Variants in AHNAK observed in about 807,000 individuals in gnomAD.
AHNAK encodes the protein AHNAK nucleoprotein.
A neutral mutation model predicts 37.8 loss-of-function variants in AHNAK; 23 were observed. The ratio of observed to expected loss-of-function variants is 0.61; its 90% CI spans 0.44 to 0.86. The LOEUF is 0.86. AHNAK is among the 40% of genes least tolerant of loss of function. AHNAK has a pLI of 0.00. For synonymous variants in AHNAK, 2,481 were observed against 2,636.3 expected, an observed-to-expected ratio of 0.94 and a Z score of 1.80; for missense variants, 7,411 against 7,319.4, an observed-to-expected ratio of 1.01 and a Z score of -0.46.
intron 4 of AHNAK, among the ~76,000 whole-genome samples, chr11:62,502,693 C>T (rs914872371): frequency 2.6e-5 from 4 of 152,082 alleles, no homozygotes; most frequent in Non-Finnish European, 4.4e-5. Flanking sequence ...AACATGAATG[C>T]GTGAGATAGC....
At chr11:62,478,590 C>T (rs963519747) in intron 5 of AHNAK, among the ~76,000 whole-genome samples, 4 of 151,724 alleles carry the variant, frequency 2.6e-5, no homozygotes, top group East Asian at 3.9e-4. Context: ...ACAACAACAA[C>T]GACAAAAATT....
chr11:62,542,540 C>G (rs556810345), intron 1 of AHNAK, among the ~76,000 whole-genome samples: 31 of 151,994 alleles, frequency 2.0e-4, no homozygotes, highest in African/African-American at 7.0e-4. Context: ...TCTGCTGTGA[C>G]GCCTTTCTCC....
chr11:62,437,317 C>T (rs1404792511), intron 5 of AHNAK, among the ~76,000 whole-genome samples: 1 of 152,104 alleles, frequency 6.6e-6, no homozygotes, highest in South Asian at 2.1e-4. Context: ...CATTTTTGTA[C>T]ATACATTATT....
chr11:62,463,323 G>A (rs750778098), intron 5 of AHNAK, among the ~76,000 whole-genome samples: 1 of 151,980 alleles, frequency 6.6e-6, no homozygotes, highest in African/African-American at 2.4e-5. Context: ...CCACACTCAC[G>A]CAAACTGGCG....
Position 62,535,177 on chromosome 11 carries a change from C to A in AHNAK, c.168G>T (p.Val56=), listed in dbSNP as rs754994531. Residue 56 remains valine, a synonymous_variant, in exon 4 of 5, where the codon GTG becomes GTT. Transcript: ENST00000378024. ...GGTTGTCAAAGTAGATGGTGGCACC[C>A]ACAATCTGGTCCCCTGAGCAGGGAA... ...TGVVKEGDQI[V]GATIYFDNLQ... 1.9e-6 allele frequency: 3 copies of A among 1,610,570 alleles called. No individual in the cohort carries two copies. Among genetic ancestry groups the A allele is most frequent in the Non-Finnish European group, 2.5e-6 (3 of 1,177,016 alleles).
At chr11:62,484,955 A>T (rs981276170) in intron 5 of AHNAK, among the ~76,000 whole-genome samples, 1 of 151,962 alleles carries the variant, frequency 6.6e-6, no homozygotes, top group Admixed American at 6.6e-5. Context: ...ACACCCGGCT[A>T]ATTTTGTATT....
rs1940506234 is a variant in AHNAK, at chr11:62,526,767, G to T, written c.7650C>A (p.Gly2550=). ...DISGPKVDIE[G]PDVNIEGPEG... The stretch of plus-strand genomic sequence containing the variant: ...CTGGTCCTTCAATATTAACATCAGG[G>T]CCTTCAATGTCCACCTTGGGTCCTG... Residue 2550 remains glycine (G), a synonymous_variant, in exon 5 of 5, where the codon GGC becomes GGA. Coordinates refer to ENST00000378024, the MANE Select transcript of AHNAK (RefSeq NM_001620.3). 13 of 1,613,280 alleles carry T rather than the reference G, an allele frequency of 8.1e-6. No individual in the cohort carries two copies. Among genetic ancestry groups the T allele is most frequent in the Non-Finnish European group, 1.1e-5 (13 of 1,179,878 alleles).
At chr11:62,542,247 G>A (rs1228031351) in intron 1 of AHNAK, among the ~76,000 whole-genome samples, 1 of 151,854 alleles carries the variant, frequency 6.6e-6, no homozygotes, top group Admixed American at 6.6e-5. Context: ...GCTCACAATA[G>A]ACAGTTGTCC....
At chr11:62,536,134 G>C in intron 2 of AHNAK, 36 bp from the exon 3 acceptor site, 1 of 1,522,770 alleles carries the variant, frequency 6.6e-7, no homozygotes, top group Non-Finnish European at 8.8e-7. Flanking sequence ...TGGGGTCAGT[G>C]GGGGTGGGAG....
At chr11:62,507,102 C>A (rs1255119980) in intron 4 of AHNAK, among the ~76,000 whole-genome samples, 2 of 152,012 alleles carry the variant, frequency 1.3e-5, no homozygotes, top group African/African-American at 4.8e-5. Context: ...CCTCTCCAAA[C>A]CTTGAAATAG....
In AHNAK at chr11:62,524,633, C is replaced by T; in HGVS notation, c.9784G>A (p.Val3262Ile). The stretch of plus-strand genomic sequence containing the variant: ...TGAATGTCAATATCTGGAGCATCTA[C>T]ATCTATCTTTGGGCCTTTTATGTCA... Reference protein sequence around the residue: ...ALDIKGPKIDVDAPDIDIHGP... With the variant: ...ALDIKGPKIDIDAPDIDIHGP... Residue 3262 changes from valine (V) to isoleucine (I), a missense_variant, in exon 5 of 5, where the codon GTA becomes ATA. Transcript: ENST00000378024. 1 of 1,614,222 alleles carries T rather than the reference C, an allele frequency of 6.2e-7. No individual in the cohort carries two copies. The highest frequency in any genetic ancestry group is 1.3e-5 in the African/African-American group (1 of 75,060).
rs532115290 is a variant in AHNAK at position 62,522,417 on chromosome 11, C to G, written c.12000G>C (p.Lys4000Asn). The part of the protein sequence containing the change: ...KMPEMNIKAP[K>N]ISMPDFDLHL... Reference sequence around the variant, plus strand: ...GCAAATCAAAGTCAGGCATGGAGATCTTGGGGGCTTTGATGTTCATCTCTG... The same window carrying G: ...GCAAATCAAAGTCAGGCATGGAGATGTTGGGGGCTTTGATGTTCATCTCTG... Residue 4000 changes from lysine (K) to asparagine (N), a missense_variant, in exon 5 of 5, where the codon AAG becomes AAC. By Grantham distance (94) the Lys-to-Asn change is moderately conservative (BLOSUM62 0). Coordinates refer to ENST00000378024, the MANE Select transcript of AHNAK (RefSeq NM_001620.3). The G allele has an allele frequency of 3.7e-6, 6 of 1,613,970 alleles. No individual in the cohort carries two copies. Among genetic ancestry groups the G allele is most frequent in the Non-Finnish European group, 5.1e-6 (6 of 1,180,026 alleles).
At chr11:62,458,171 G>A (rs575467472) in intron 5 of AHNAK, among the ~76,000 whole-genome samples, 1 of 152,034 alleles carries the variant, frequency 6.6e-6, no homozygotes, top group East Asian at 1.9e-4. Flanking sequence ...ACCCGCCTTG[G>A]CCTCCCAAAG....
At position 62,521,156 on chromosome 11, in the gene AHNAK, T is replaced by C. The variant is rs1940223717; in HGVS notation, c.13261A>G (p.Ile4421Val). The part of the protein sequence containing the change: ...EGDLKGPEID[I>V]KGPSLDIDTP... ...TCAATGTCCAAACTGGGGCCTTTTA[T>C]GTCAATTTCAGGGCCCTTGAGATCA... The change falls in exon 5 of 5, where the codon ATA (isoleucine) becomes GTA (valine). Residue 4421 changes from isoleucine (I) to valine (V), a missense_variant. Physicochemically the swap from Ile to Val is conservative, Grantham distance 29 (BLOSUM62 3). Transcript: ENST00000378024. 2 of 1,613,840 alleles carry C rather than the reference T, an allele frequency of 1.2e-6. No individual in the cohort carries two copies. The highest frequency in any genetic ancestry group is 1.6e-4 in the Middle Eastern group (1 of 6,084).
chr11:62,474,948 G>A (rs953301049), intron 5 of AHNAK, among the ~76,000 whole-genome samples: 2 of 152,160 alleles, frequency 1.3e-5, no homozygotes, highest in Non-Finnish European at 2.9e-5. Context: ...CCCAGGAGAA[G>A]CCGCTGCACT....
Position 62,522,211 on chromosome 11 carries a change from C to T in AHNAK, c.12206G>A (p.Ser4069Asn), listed in dbSNP as rs1024219934. ...GCCCTCTCCTTTAAATCCTGGCATGCTGAATTTGGGCATTTTCACCTTGGG... is the reference window on the plus strand; with the variant it reads ...GCCCTCTCCTTTAAATCCTGGCATGTTGAATTTGGGCATTTTCACCTTGGG... Reference protein sequence around the residue: ...KMPKVKMPKFSMPGFKGEGPE... With the variant: ...KMPKVKMPKFNMPGFKGEGPE... The change falls in exon 5 of 5, where the codon AGC becomes AAC. Residue 4069 changes from serine to asparagine, a missense_variant. Physicochemically the swap from Ser to Asn is conservative, Grantham distance 46. Transcript: ENST00000378024. The T allele has an allele frequency of 6.2e-6, 10 of 1,613,006 alleles. No individual in the cohort carries two copies. The African/African-American group carries it at 9.4e-5, about 15-fold the overall frequency.
chr11:62,476,378 G>C lies in AHNAK; in HGVS notation c.442+15354C>G, dbSNP rs544424570. 2.6e-5 allele frequency among the ~76,000 whole-genome samples: 4 copies of C among 152,334 alleles called. No homozygotes were observed. In the South Asian group the frequency reaches 8.3e-4, roughly 32 times the overall value. On this transcript the variant is annotated intron_variant, in intron 5 of 5. Coordinates refer to the AHNAK transcript ENST00000257247. The stretch of plus-strand genomic sequence containing the variant: ...CTCTCCACCCTGCCTGGGCGACAGA[G>C]CAAGACTCCGTCTCAAAAAAAAGTT...
intron 5 of AHNAK, among the ~76,000 whole-genome samples, chr11:62,452,911 G>A (rs1027647696): frequency 6.6e-6 from 1 of 152,104 alleles, no homozygotes; most frequent in Non-Finnish European, 1.5e-5. Context: ...TGTAGTCCCA[G>A]CCACTTAAGA....
Position 62,530,945 on chromosome 11 carries a change from A to G in AHNAK, c.3472T>C (p.Ser1158Pro). ...VNLPKADVVV[S>P]GPKVDIEAPD... ...GCTTCGATGTCCACCTTGGGTCCTG[A>G]GACAACAACGTCAGCCTTAGGCAAG... Residue 1158 changes from serine to proline, a missense_variant, in exon 5 of 5, where the codon TCA becomes CCA. Coordinates refer to ENST00000378024, the MANE Select transcript of AHNAK (RefSeq NM_001620.3). 1 of 1,613,698 alleles carries G rather than the reference A, an allele frequency of 6.2e-7. No homozygotes were observed. The highest frequency in any genetic ancestry group is 8.5e-7 in the Non-Finnish European group (1 of 1,179,946).
Sources: allele counts gnomAD v4.1 joint callset (sites outside exome capture counted in the v4.1 genomes callset), GRCh38; gene constraint gnomAD v4.1.1; transcripts MANE v1.5; gene names NCBI Gene and HGNC (gene_info 2026-07-23, HGNC 2026-07-21).